Variants in LBP observed in about 807,000 individuals in gnomAD.
The protein encoded by LBP is lipopolysaccharide binding protein.
A neutral mutation model predicts 56.6 loss-of-function variants in LBP; 53 were observed. That is an observed-to-expected ratio of 0.94 (90% confidence interval 0.75 to 1.18). LBP has a LOEUF of 1.18. Among genes scored for constraint, LBP ranks in the 50% most tolerant of loss-of-function variants. LBP has a pLI of 0.00. For synonymous variants in LBP, 227 were observed against 247.5 expected (o/e 0.92, Z 0.78); for missense variants, 601 against 598.3 (o/e 1.00, Z -0.05).
At position 38,372,041 on chromosome 20, in the gene LBP, T is replaced by A. The variant is rs112314157; in HGVS notation, c.1260+719T>A. 3.2e-4 allele frequency among the ~76,000 whole-genome samples: 48 copies of A among 152,270 alleles called. 3 individuals carry two copies. Among genetic ancestry groups the A allele is most frequent in the African/African-American group, 1.1e-3 (46 of 41,546 alleles). On this transcript the variant is annotated intron_variant, in intron 12 of 14. Coordinates refer to ENST00000217407, the MANE Select transcript of LBP (RefSeq NM_004139.5). Reference sequence around the variant, plus strand: ...ACTCCGTTATCAAAACAAGAGGGATTGAGTGCTGAGCAGGTAAATCCAAGA... The same window carrying A: ...ACTCCGTTATCAAAACAAGAGGGATAGAGTGCTGAGCAGGTAAATCCAAGA...
Position 38,366,687 on chromosome 20 carries a change from A to T in LBP, c.922-82A>T. ...CTGTGGAGAAGCGACAGTCTTGCAC[A>T]TCCCCCTGTCTCCCCAATCTTCTTT... On this transcript the variant is annotated intron_variant, in intron 8 of 14. Coordinates refer to ENST00000217407, the MANE Select transcript of LBP (RefSeq NM_004139.5). 19 of 1,289,074 alleles carry T rather than the reference A, an allele frequency of 1.5e-5. 1 individual carries two copies. Among genetic ancestry groups the T allele is most frequent in the Non-Finnish European group, 1.9e-5 (17 of 887,934 alleles). The allele number at this position is 1,289,074 out of a possible 1,614,324, so 79.9% of individuals were successfully genotyped here.
At chr20:38,360,816 A>AT in intron 6 of LBP, 49 bp downstream of exon 6, 1 of 1,348,082 alleles carries the variant, frequency 7.4e-7, no homozygotes, top group Non-Finnish European at 1.1e-6. Flanking sequence ...GTTAATTTCT[A>AT]TAAGAGCATA....
chr20:38,362,594 C>G (rs144527656), intron 6 of LBP, among the ~76,000 whole-genome samples: 2 of 151,078 alleles, frequency 1.3e-5, no homozygotes, highest in Admixed American at 1.3e-4. Flanking sequence ...GCCTGGGCAA[C>G]AGAACAAGAC....
At chr20:38,351,142 A>G (rs1230780411) in intron 3 of LBP, among the ~76,000 whole-genome samples, 1 of 152,154 alleles carries the variant, frequency 6.6e-6, no homozygotes, top group Non-Finnish European at 1.5e-5. Flanking sequence ...TCATCTCCCA[A>G]AGGGGACGGG....
intron 12 of LBP, 136 bp from the exon 13 acceptor site, chr20:38,372,936 A>G (rs2076905419): frequency 1.4e-6 from 1 of 721,248 alleles, no homozygotes; most frequent in Non-Finnish European, 2.3e-6. Context: ...TTCATCTCAA[A>G]AGAGTTTTAT....
rs566342295 is a variant in LBP at position 38,360,466 on chromosome 20, T to C, written c.589-238T>C. On this transcript the variant is annotated intron_variant, in intron 5 of 14. Transcript: ENST00000217407. The stretch of plus-strand genomic sequence containing the variant: ...TGTGTCAGTGACTCCCTAGCTCAGG[T>C]GTCCAGCCCTGGGACAGACTGAAAA... 9.2e-5 allele frequency among the ~76,000 whole-genome samples: 14 copies of C among 152,276 alleles called. No individual in the cohort carries two copies. In the East Asian group the frequency reaches 2.3e-3, roughly 25 times the overall value.
chr20:38,346,556 G>A lies in LBP; in HGVS notation c.40G>A (p.Ala14Thr), dbSNP rs2076801830. The change falls in exon 1 of 15, where the codon GCA (alanine) becomes ACA (threonine). Residue 14 changes from alanine to threonine, a missense_variant. Coordinates refer to ENST00000217407, the MANE Select transcript of LBP (RefSeq NM_004139.5). ...CAGAGCCCTGCCGTCCATACTGCTG[G>A]CATTGCTGCTTACGTCCACCCCAGA... Reference protein sequence around the residue: ...LARALPSILLALLLTSTPEAL... With the variant: ...LARALPSILLTLLLTSTPEAL... 6.2e-7 allele frequency: 1 copy of A among 1,613,824 alleles called. No homozygotes were observed.
rs1568825309 is a variant in LBP, at chr20:38,346,549, A to G, written c.33A>G (p.Ile11Met). Residue 11 changes from isoleucine to methionine, a missense_variant, in exon 1 of 15, where the codon ATA (isoleucine) becomes ATG (methionine). Coordinates refer to ENST00000217407, the MANE Select transcript of LBP (RefSeq NM_004139.5). ...CCTTGGCCAGAGCCCTGCCGTCCAT[A>G]CTGCTGGCATTGCTGCTTACGTCCA... is the stretch of plus-strand genomic sequence containing the variant. MGALARALPS[I>M]LLALLLTSTP... 4 of 1,613,738 alleles carry G rather than the reference A, an allele frequency of 2.5e-6. No individual in the cohort carries two copies. The highest frequency in any genetic ancestry group is 2.2e-5 in the South Asian group (2 of 91,080).
At chr20:38,375,426 CA>C (rs1327220466) in intron 14 of LBP, among the ~76,000 whole-genome samples, 3 of 151,652 alleles carry the variant, frequency 2.0e-5, no homozygotes, top group Non-Finnish European at 2.9e-5. Flanking sequence ...ACTAAAAATA[CA>C]AAAATTAGCT....
chr20:38,370,153 C>T (rs536201462), intron 10 of LBP, among the ~76,000 whole-genome samples: 6 of 152,054 alleles, frequency 3.9e-5, no homozygotes, highest in Non-Finnish European at 8.8e-5. Flanking sequence ...GCAGGAGAAT[C>T]ACACAAGGCC....
intron 13 of LBP, among the ~76,000 whole-genome samples, 161 bp downstream of exon 13, chr20:38,373,296 A>G (rs1373744542): frequency 3.3e-5 from 5 of 152,152 alleles, no homozygotes; most frequent in Non-Finnish European, 7.3e-5. Context: ...GGATCGTTGA[A>G]GTTGGCCTCA....
chr20:38,366,935 C>T (rs144728756), intron 9 of LBP, 107 bp downstream of exon 9: 24 of 993,966 alleles, frequency 2.4e-5, no homozygotes, highest in African/African-American at 1.9e-4. Context: ...GTGAGAAGGC[C>T]GGGATGAGAC....
chr20:38,367,162 A>C (rs986335541), intron 9 of LBP, among the ~76,000 whole-genome samples: 2 of 152,148 alleles, frequency 1.3e-5, no homozygotes, highest in Admixed American at 6.5e-5. Flanking sequence ...TCTTTAAAAA[A>C]TTATTTTTTG....
chr20:38,360,736 CG>C lies in LBP; in HGVS notation c.622del (p.Asp208IlefsTer25). The C allele has an allele frequency of 6.2e-7, 1 of 1,612,960 alleles. No homozygotes were observed. On this transcript the variant is annotated frameshift_variant, in exon 6 of 15. Coordinates refer to ENST00000217407, the MANE Select transcript of LBP (RefSeq NM_004139.5). LOFTEE classifies it high-confidence loss of function. ...CEMIQKSVSS[D>X]LQPYLQTLPV... ...AAATGATCCAGAAATCAGTGTCCTC[CG>C]ATCTACAGCCTTATCTCCAAACTCT...
At chr20:38,358,532 C>T (rs1307539405) in intron 5 of LBP, among the ~76,000 whole-genome samples, 1 of 152,140 alleles carries the variant, frequency 6.6e-6, no homozygotes, top group Non-Finnish European at 1.5e-5. Context: ...TTTCTTGGTT[C>T]CCTTGCAATC....
chr20:38,364,569 T>C lies in LBP; in HGVS notation c.745-7T>C. The C allele has an allele frequency of 6.2e-7, 1 of 1,613,870 alleles. No individual in the cohort carries two copies. Among genetic ancestry groups the C allele is most frequent in the Non-Finnish European group, 8.5e-7 (1 of 1,179,886 alleles). ...AAAGTCCAATTGGACCCTATTTCCC[T>C]CTCCAGGGTGAAATCTTTCATCGTA... On this transcript the variant is annotated splice_polypyrimidine_tract_variant and splice_region_variant and intron_variant, in intron 7 of 14. Transcript: ENST00000217407.
At chr20:38,350,623 C>A (rs1157629817) in intron 2 of LBP, among the ~76,000 whole-genome samples, 188 bp from the exon 3 acceptor site, 2 of 152,208 alleles carry the variant, frequency 1.3e-5, no homozygotes, top group African/African-American at 4.8e-5. Context: ...TTCAGTGTGG[C>A]CCATATGGCA....
intron 6 of LBP, among the ~76,000 whole-genome samples, chr20:38,361,415 T>C (rs866706339): frequency 6.6e-6 from 1 of 151,914 alleles, no homozygotes; most frequent in African/African-American, 2.4e-5. Flanking sequence ...TCCAGATTTC[T>C]TTTTTTTGAG....
intron 6 of LBP, among the ~76,000 whole-genome samples, chr20:38,362,788 A>T (rs1343047794): frequency 6.6e-6 from 1 of 151,902 alleles, no homozygotes; most frequent in Non-Finnish European, 1.5e-5. Context: ...TCTCTACAAT[A>T]AATACAAAAA....
Sources: allele counts gnomAD v4.1 joint callset (sites outside exome capture counted in the v4.1 genomes callset), GRCh38; gene constraint gnomAD v4.1.1; transcripts MANE v1.5; gene names NCBI Gene and HGNC (gene_info 2026-07-23, HGNC 2026-07-21).